The following VPS36 variants were observed in gnomAD, a reference collection of about 807,000 sequenced individuals.
The protein encoded by VPS36 is vacuolar protein-sorting-associated protein 36.
VPS36 carries 31 observed loss-of-function variants against 63.5 expected under a neutral mutation model. The observed-to-expected ratio is 0.49, with a 90% CI of 0.37 to 0.66. The LOEUF is 0.66. VPS36 is among the 30% of genes least tolerant of loss of function. The probability of loss-of-function intolerance (pLI) is 0.00; values close to 1 mark genes in which losing one functional copy is unlikely to be tolerated. For missense variants in VPS36, 338 were observed against 463.7 expected (o/e 0.73, Z 2.49); for synonymous variants, 138 against 157.2 (o/e 0.88, Z 0.91).
At chr13:52,426,949 T>C (rs375482967) in intron 8 of VPS36, 40 bp downstream of exon 8, 1 of 1,412,844 alleles carries the variant, frequency 7.1e-7, no homozygotes, top group African/African-American at 1.4e-5. Flanking sequence ...TGCATTGTGT[T>C]ATCTAGTTTC....
chr13:52,421,775 C>T (rs1264264825), intron 10 of VPS36, among the ~76,000 whole-genome samples: 2 of 152,052 alleles, frequency 1.3e-5, no homozygotes, highest in East Asian at 3.9e-4. Context: ...CTGCCCGCCT[C>T]AGCCTCCCAA....
rs142437384 is a variant in VPS36 at position 52,434,225 on chromosome 13, C to T, written c.442-477G>A. 3.2e-3 allele frequency among the ~76,000 whole-genome samples: 494 copies of T among 152,276 alleles called. 3 individuals are homozygous for T. Among genetic ancestry groups the T allele is most frequent in the African/African-American group, 0.011 (445 of 41,546 alleles). On this transcript the variant is annotated intron_variant, in intron 5 of 13. Coordinates refer to ENST00000378060, the MANE Select transcript of VPS36 (RefSeq NM_016075.4). Reference sequence around the variant, plus strand: ...ACTGTCTATTCTCTCAAATGTCACACTGATTATGAAGAACAGAATGCAGTG... The same window carrying T: ...ACTGTCTATTCTCTCAAATGTCACATTGATTATGAAGAACAGAATGCAGTG...
At chr13:52,446,685 G>A (rs192642261) in intron 1 of VPS36, among the ~76,000 whole-genome samples, 80 of 151,638 alleles carry the variant, frequency 5.3e-4, no homozygotes, top group African/African-American at 1.9e-3. Context: ...AAAATATTTA[G>A]AGCCTGAAAA....
intron 1 of VPS36, 124 bp downstream of exon 1, chr13:52,450,375 C>CCG: frequency 8.1e-7 from 1 of 1,242,018 alleles, no homozygotes; most frequent in Non-Finnish European, 1.0e-6. Context: ...GCCTGCCGGG[C>CCG]CGCCGAGGGC....
At chr13:52,444,986 T>C (rs1192446262) in intron 1 of VPS36, among the ~76,000 whole-genome samples, 2 of 152,212 alleles carry the variant, frequency 1.3e-5, no homozygotes, top group Non-Finnish European at 2.9e-5. Context: ...TTTAAAAAAC[T>C]GTTTTCTAAG....
rs1958066218 is a variant in VPS36, at chr13:52,423,578, A to G, written c.836T>C (p.Met279Thr). The change falls in exon 10 of 14, where the codon ATG becomes ACG. Residue 279 changes from methionine to threonine, a missense_variant. By Grantham distance (81) the Met-to-Thr change is moderately conservative (BLOSUM62 -1). Transcript: ENST00000378060. ...VYCLVNRARG[M>T]ELLSPEDLVN... ...ATTTAAATTTTCTATCCTTACTTCCATTCCTCGAGCTCGGTTTACTAAGCA... is the reference window on the plus strand; with the variant it reads ...ATTTAAATTTTCTATCCTTACTTCCGTTCCTCGAGCTCGGTTTACTAAGCA... 1.2e-6 allele frequency: 2 copies of G among 1,612,070 alleles called. No individual in the cohort carries two copies. The highest frequency in any genetic ancestry group is 1.1e-5 in the South Asian group (1 of 90,930).
At chr13:52,431,762 CAAAA>C (rs60968712) in intron 6 of VPS36, among the ~76,000 whole-genome samples, 1 of 68,086 alleles carries the variant, frequency 1.5e-5, no homozygotes, top group Non-Finnish European at 3.1e-5. Flanking sequence ...GACTCTGTCT[CAAAA>C]AAAAAAAAAA....
chr13:52,442,297 G>A, intron 2 of VPS36, 80 bp downstream of exon 2: 1 of 1,326,364 alleles, frequency 7.5e-7, no homozygotes, highest in Non-Finnish European at 1.0e-6. Flanking sequence ...GATCAGCCTA[G>A]GCAATACAGC....
intron 12 of VPS36, 37 bp downstream of exon 12, chr13:52,417,020 C>A: frequency 6.3e-7 from 1 of 1,582,366 alleles, no homozygotes. Flanking sequence ...GTCTTCATAG[C>A]AAGCTCTAAA....
At chr13:52,441,857 G>A (rs1401921613) in intron 2 of VPS36, among the ~76,000 whole-genome samples, 1 of 152,192 alleles carries the variant, frequency 6.6e-6, no homozygotes, top group Non-Finnish European at 1.5e-5. Context: ...CTAGCCTCCT[G>A]ATTCTCAACA....
chr13:52,447,459 G>C (rs1958355993), intron 1 of VPS36, among the ~76,000 whole-genome samples: 1 of 152,198 alleles, frequency 6.6e-6, no homozygotes, highest in Non-Finnish European at 1.5e-5. Flanking sequence ...TGAGGCTACA[G>C]AAGTGTCTGT....
chr13:52,421,043 C>T (rs1057494490), intron 10 of VPS36, among the ~76,000 whole-genome samples: 1 of 152,122 alleles, frequency 6.6e-6, no homozygotes, highest in Non-Finnish European at 1.5e-5. Context: ...ATTGCTTGAA[C>T]CCGGGAGGCA....
At chr13:52,427,398 G>A (rs1338721488) in intron 6 of VPS36, among the ~76,000 whole-genome samples, 179 bp from the exon 7 acceptor site, 2 of 152,214 alleles carry the variant, frequency 1.3e-5, no homozygotes, top group African/African-American at 4.8e-5. Flanking sequence ...GAGGTCAGGA[G>A]ATCGAGACCA....
At chr13:52,428,364 T>C (rs1044379056) in intron 6 of VPS36, among the ~76,000 whole-genome samples, 4 of 152,202 alleles carry the variant, frequency 2.6e-5, no homozygotes, top group East Asian at 3.8e-4. Flanking sequence ...AAACATATAA[T>C]AGTGGCTCTG....
At chr13:52,423,022 G>A (rs1354575399) in intron 10 of VPS36, among the ~76,000 whole-genome samples, 1 of 152,096 alleles carries the variant, frequency 6.6e-6, no homozygotes, top group Non-Finnish European at 1.5e-5. Context: ...GCCTGCCCAA[G>A]CTCCCTTTGA....
intron 5 of VPS36, 108 bp from the exon 6 acceptor site, chr13:52,433,856 A>G: frequency 1.1e-6 from 1 of 904,160 alleles, no homozygotes; most frequent in Non-Finnish European, 1.7e-6. Context: ...ACCTACAAAG[A>G]ACCAAAGAAA....
intron 1 of VPS36, among the ~76,000 whole-genome samples, chr13:52,447,165 C>T (rs1054498250): frequency 1.3e-5 from 2 of 152,162 alleles, no homozygotes; most frequent in African/African-American, 4.8e-5. Context: ...GCATGAGCCA[C>T]CACGCCTGGC....
chr13:52,444,378 T>C (rs1194073953), intron 1 of VPS36, among the ~76,000 whole-genome samples: 1 of 151,726 alleles, frequency 6.6e-6, no homozygotes, highest in African/African-American at 2.4e-5. Context: ...GAGAATGGCA[T>C]GAACCCGGGA....
intron 6 of VPS36, among the ~76,000 whole-genome samples, chr13:52,431,131 C>T (rs913792655): frequency 3.3e-5 from 5 of 151,752 alleles, no homozygotes; most frequent in Non-Finnish European, 7.4e-5. Flanking sequence ...CATGGAGGTA[C>T]TTATAAAACT....
Sources: gnomAD v4.1 joint callset for allele counts (sites outside exome capture counted in the v4.1 genomes callset) on GRCh38, gnomAD v4.1.1 for gene constraint, MANE v1.5 for transcripts, NCBI Gene and HGNC (gene_info 2026-07-23, HGNC 2026-07-21) for gene names.